Variants in CDH4 observed in about 807,000 individuals in gnomAD.
CDH4 encodes cadherin 4.
A neutral mutation model predicts 86.0 loss-of-function variants in CDH4; 33 were observed. That is an observed-to-expected ratio of 0.38 (90% CI 0.29 to 0.51). CDH4 has a LOEUF of 0.51. Ranked by LOEUF, CDH4 falls within the 20% of genes least tolerant of loss-of-function variation. The probability of loss-of-function intolerance (pLI) is 0.86; values close to 1 mark genes in which losing one functional copy is unlikely to be tolerated. For synonymous variants in CDH4, 555 were observed against 549.4 expected, an observed-to-expected ratio of 1.01 and a Z score of -0.14; for missense variants, 1,114 against 1,307.4, an observed-to-expected ratio of 0.85 and a Z score of 2.28.
chr20:61,696,228 G>A (rs866430779), intron 2 of CDH4, among the ~76,000 whole-genome samples: 2 of 152,184 alleles, frequency 1.3e-5, no homozygotes, highest in Non-Finnish European at 2.9e-5. Flanking sequence ...AATGAGAACC[G>A]CCCCCCACAA....
At chr20:61,781,161 C>A (rs962155952) in intron 4 of CDH4, among the ~76,000 whole-genome samples, 12 of 152,122 alleles carry the variant, frequency 7.9e-5, no homozygotes, top group Admixed American at 2.6e-4. Context: ...AAAATAAACA[C>A]CCTCAGGGAA....
chr20:61,256,362 C>A (rs4812285), intron 2 of CDH4, among the ~76,000 whole-genome samples: 22,628 of 152,160 alleles, frequency 0.15, 2,027 homozygotes, highest in East Asian at 0.27. Flanking sequence ...TCAGGCACTT[C>A]AGAAAAATGC....
At chr20:61,926,361 C>T (rs2055044636) in intron 11 of CDH4, among the ~76,000 whole-genome samples, 1 of 152,174 alleles carries the variant, frequency 6.6e-6, no homozygotes. Flanking sequence ...AGCCATTGTG[C>T]AAACGCTCGT....
intron 6 of CDH4, among the ~76,000 whole-genome samples, chr20:61,864,810 G>A (rs1244176920): frequency 3.9e-5 from 6 of 152,258 alleles, no homozygotes; most frequent in East Asian, 1.9e-4. Flanking sequence ...TGGTGAGTTC[G>A]CTGGGGCCTC....
chr20:61,816,039 A>G (rs903694583), intron 4 of CDH4, among the ~76,000 whole-genome samples: 3 of 152,114 alleles, frequency 2.0e-5, no homozygotes, highest in Non-Finnish European at 4.4e-5. Flanking sequence ...TTCAGAACAA[A>G]CTAGGAGGTT....
intron 2 of CDH4, among the ~76,000 whole-genome samples, chr20:61,424,712 T>G (rs926667394): frequency 8.8e-6 from 1 of 113,982 alleles, no homozygotes; most frequent in Non-Finnish European, 2.1e-5. Context: ...CTTCAGTCCC[T>G]CTCTTTTGAC....
intron 2 of CDH4, among the ~76,000 whole-genome samples, chr20:61,336,437 G>A (rs765902492): frequency 2.0e-5 from 3 of 151,910 alleles, no homozygotes; most frequent in Admixed American, 6.6e-5. Flanking sequence ...CCACCACCAC[G>A]ACCATGCTTT....
intron 2 of CDH4, among the ~76,000 whole-genome samples, chr20:61,483,883 G>A (rs138332328): frequency 7.8e-4 from 119 of 152,246 alleles, no homozygotes; most frequent in African/African-American, 2.6e-3. Context: ...CAAAGCTAAT[G>A]AAAAGCTTGT....
intron 2 of CDH4, among the ~76,000 whole-genome samples, chr20:61,657,249 C>T (rs1371197025): frequency 6.6e-6 from 1 of 152,200 alleles, no homozygotes; most frequent in Non-Finnish European, 1.5e-5. Context: ...TTGACACAAA[C>T]TTAGCTGCTA....
At chr20:61,478,739 C>G (rs1323241670) in intron 2 of CDH4, among the ~76,000 whole-genome samples, 1 of 152,222 alleles carries the variant, frequency 6.6e-6, no homozygotes, top group African/African-American at 2.4e-5. Flanking sequence ...GACCTAGAAA[C>G]TATGTTTCAT....
intron 2 of CDH4, among the ~76,000 whole-genome samples, chr20:61,373,565 C>G (rs1185089492): frequency 6.6e-6 from 1 of 152,172 alleles, no homozygotes; most frequent in Non-Finnish European, 1.5e-5. Context: ...AAGCAGCAGA[C>G]AAAGCTGTAG....
At chr20:61,467,066 A>T (rs8124379) in intron 2 of CDH4, among the ~76,000 whole-genome samples, 2,776 of 152,352 alleles carry the variant, frequency 0.018, 86 homozygotes, top group African/African-American at 0.062. Context: ...AGGATTTTTA[A>T]TAAACCATTG....
At chr20:61,362,059 G>A (rs573140958) in intron 2 of CDH4, among the ~76,000 whole-genome samples, 75 of 152,374 alleles carry the variant, frequency 4.9e-4, no homozygotes, top group African/African-American at 1.7e-3. Flanking sequence ...AAGATGCAGA[G>A]GGCTGCGCGT....
rs1026124585 is a variant in CDH4, at chr20:61,581,941, C to T, written c.170-161622C>T. Among the ~76,000 whole-genome samples the T allele has an allele frequency of 2.0e-5, 3 of 152,348 alleles. No homozygotes were observed. In the East Asian group the frequency reaches 5.8e-4, roughly 30 times the overall value. ...CTGAGCCACAGGCACCTCCTCGGCC[C>T]TGGCTGGCCTGCCTGAGGGTCCCAG... is the stretch of plus-strand genomic sequence containing the variant. On this transcript the variant is annotated intron_variant, in intron 2 of 15. Transcript: ENST00000614565.
chr20:61,402,507 T>C (rs1166609608), intron 2 of CDH4, among the ~76,000 whole-genome samples: 2 of 152,102 alleles, frequency 1.3e-5, no homozygotes, highest in Non-Finnish European at 2.9e-5. Context: ...TTCTCATACC[T>C]CAGTTTCCCA....
At chr20:61,565,084 T>A (rs1374553274) in intron 2 of CDH4, among the ~76,000 whole-genome samples, 1 of 131,034 alleles carries the variant, frequency 7.6e-6, no homozygotes, top group Admixed American at 7.5e-5. Context: ...GTGGTGGTGG[T>A]GGTGCTCTTG....
chr20:61,437,592 G>C (rs2085291147), intron 2 of CDH4: 1 of 152,214 alleles, frequency 6.6e-6, no homozygotes, highest in Non-Finnish European at 1.5e-5. Flanking sequence ...GGGAGATGCT[G>C]GCTGGGCCGT....
At chr20:61,646,932 A>T (rs2087067252) in intron 2 of CDH4, among the ~76,000 whole-genome samples, 2 of 152,258 alleles carry the variant, frequency 1.3e-5, no homozygotes, top group Admixed American at 1.3e-4. Context: ...AGTGTGGTTA[A>T]AACACACTGT....
intron 2 of CDH4, among the ~76,000 whole-genome samples, chr20:61,419,952 G>A (rs567286727): frequency 6.6e-5 from 10 of 152,354 alleles, no homozygotes; most frequent in South Asian, 6.2e-4. Context: ...AAAGCACCCA[G>A]CACACAGTAG....
Sources: allele counts gnomAD v4.1 joint callset (sites outside exome capture counted in the v4.1 genomes callset), GRCh38; gene constraint gnomAD v4.1.1; transcripts MANE v1.5; gene names NCBI Gene and HGNC (gene_info 2026-07-23, HGNC 2026-07-21).